The following KMT2C variants were observed in gnomAD, a reference collection of about 807,000 sequenced individuals.
KMT2C encodes the protein lysine methyltransferase 2C, also known as histone-lysine N-methyltransferase 2C.
In KMT2C, 88 loss-of-function variants were observed where a neutral mutation model predicts 507.9. The ratio of observed to expected loss-of-function variants is 0.17; its 90% CI spans 0.15 to 0.21. KMT2C has a LOEUF of 0.21. KMT2C is among the 10% of genes least tolerant of loss of function. The pLI is 1.00. For synonymous variants in KMT2C, 2,049 were observed against 2,080.8 expected, an observed-to-expected ratio of 0.98 and a Z score of 0.42; for missense variants, 4,954 against 5,957.8, an observed-to-expected ratio of 0.83 and a Z score of 5.55.
At chr7:152,332,323 G>T (rs574493720) in intron 2 of KMT2C, among the ~76,000 whole-genome samples, 2 of 152,254 alleles carry the variant, frequency 1.3e-5, no homozygotes, top group East Asian at 3.9e-4. Flanking sequence ...CCCCACCAGT[G>T]CTCATGATGC....
In KMT2C at chr7:152,315,725, T is replaced by C. The variant is rs143901375; in HGVS notation, c.390-387A>G. 3.5e-3 allele frequency among the ~76,000 whole-genome samples: 527 copies of C among 152,274 alleles called. 6 individuals are homozygous for C. The highest frequency in any genetic ancestry group is 0.012 in the African/African-American group (493 of 41,576). ...GGGAGGTGGAAGTTCGAGACCAGCC[T>C]GTCCAACGTGGTGAAACCCCATCTC... is the stretch of plus-strand genomic sequence containing the variant. On this transcript the variant is annotated intron_variant, in intron 3 of 58. Coordinates refer to ENST00000262189, the MANE Select transcript of KMT2C (RefSeq NM_170606.3).
chr7:152,333,806 T>G (rs1239282722), intron 2 of KMT2C, among the ~76,000 whole-genome samples: 1 of 152,128 alleles, frequency 6.6e-6, no homozygotes, highest in East Asian at 1.9e-4. Flanking sequence ...AACAGATGGT[T>G]TTGGTTTTCA....
rs765083956 is a variant in KMT2C, at chr7:152,177,461, T to G, written c.7992A>C (p.Thr2664=). 1.2e-6 allele frequency: 2 copies of G among 1,614,166 alleles called. No individual in the cohort carries two copies. The highest frequency in any genetic ancestry group is 2.2e-5 in the South Asian group (2 of 91,088). The part of the protein sequence containing the change: ...GGEFSEAPLS[T]SVPSETTSDN... ...CAGACGTTGTTTCAGACGGTACAGA[T>G]GTTGACAAAGGAGCTTCTGAAAATT... Residue 2664 remains threonine (T), a synonymous_variant, in exon 38 of 59, where the codon ACA becomes ACC. Transcript: ENST00000262189.
intron 3 of KMT2C, among the ~76,000 whole-genome samples, chr7:152,318,666 G>A (rs185649147): frequency 1.8e-4 from 27 of 149,730 alleles, no homozygotes; most frequent in African/African-American, 6.4e-4. Context: ...AAAAAATGTT[G>A]GAAGTATAAA....
chr7:152,353,728 A>G (rs1347179430), intron 2 of KMT2C, among the ~76,000 whole-genome samples: 2 of 152,086 alleles, frequency 1.3e-5, no homozygotes, highest in African/African-American at 4.8e-5. Context: ...CCAACTCCTG[A>G]GCTCAAGCAA....
intron 6 of KMT2C, among the ~76,000 whole-genome samples, chr7:152,297,011 A>AAGAAAGAAAG (rs1471608380): frequency 5.6e-4 from 47 of 83,434 alleles, no homozygotes; most frequent in South Asian, 8.8e-4. Context: ...GAAAGAAAGA[A>AAGAAAGAAAG]AGAAAGAAAG....
intron 37 of KMT2C, 109 bp downstream of exon 37, chr7:152,179,725 T>A: frequency 9.6e-6 from 8 of 832,062 alleles, no homozygotes; most frequent in African/African-American, 1.8e-5. Context: ...CCTCAAGCAA[T>A]CCTCCTGCCT....
rs750268829 is a variant in KMT2C at position 152,315,326 on chromosome 7, G to A, written c.402C>T (p.Cys134=). 1.5e-5 allele frequency: 25 copies of A among 1,613,042 alleles called. No homozygotes were observed. Among genetic ancestry groups the A allele is most frequent in the Middle Eastern group, 3.3e-4 (2 of 6,078 alleles). The change falls in exon 4 of 59, where the codon TGC becomes TGT. Residue 134 remains cysteine (C), a synonymous_variant. Transcript: ENST00000262189. ...GVEAKISEQL[C]AFCYCGEKSS... is the part of the protein sequence containing the mutation. The stretch of plus-strand genomic sequence containing the variant: ...TTTTTTCCCCACAGTAACAAAAAGC[G>A]CAGAGCTGTTCACTAGTAAAAATGA...
chr7:152,301,187 C>A (rs1364481173), intron 6 of KMT2C, among the ~76,000 whole-genome samples: 3 of 142,616 alleles, frequency 2.1e-5, no homozygotes, highest in African/African-American at 8.3e-5. Context: ...CAGAGCAAGA[C>A]CCTGTCTCCT....
In KMT2C at chr7:152,186,441, C is replaced by T. The variant is rs146993238; in HGVS notation, c.5009-810G>A. 5.4e-4 allele frequency among the ~76,000 whole-genome samples: 83 copies of T among 152,340 alleles called. 1 individual carries two copies. Among genetic ancestry groups the T allele is most frequent in the Admixed American group, 1.9e-3 (29 of 15,306 alleles). On this transcript the variant is annotated intron_variant, in intron 33 of 58. Transcript: ENST00000262189. Reference sequence around the variant, plus strand: ...GCTGAAGAATGGGATACTGCCTTCACAGGTCTCCCTGCATCAAACCACTGA... The same window carrying T: ...GCTGAAGAATGGGATACTGCCTTCATAGGTCTCCCTGCATCAAACCACTGA...
rs1300685988 is a variant in KMT2C at position 152,177,361 on chromosome 7, C to T, written c.8092G>A (p.Glu2698Lys). 13 of 1,614,206 alleles carry T rather than the reference C, an allele frequency of 8.1e-6. No homozygotes were observed. The highest frequency in any genetic ancestry group is 1.1e-5 in the Non-Finnish European group (13 of 1,180,022). Residue 2698 changes from glutamate (E) to lysine (K), a missense_variant, in exon 38 of 59, where the codon GAA becomes AAA. Physicochemically the swap from Glu to Lys is moderately conservative, Grantham distance 56 (BLOSUM62 1). Coordinates refer to ENST00000262189, the MANE Select transcript of KMT2C (RefSeq NM_170606.3). ...KLDSDDPSVK[E>K]LDVKDLEGVE... is the part of the protein sequence containing the mutation. Reference sequence around the variant, plus strand: ...CCCTCAAGGTCTTTAACATCCAGTTCCTTCACAGAAGGGTCATCAGAATCA... The same window carrying T: ...CCCTCAAGGTCTTTAACATCCAGTTTCTTCACAGAAGGGTCATCAGAATCA...
chr7:152,419,685 T>C (rs1214649886), intron 1 of KMT2C, among the ~76,000 whole-genome samples: 1 of 152,194 alleles, frequency 6.6e-6, no homozygotes, highest in Non-Finnish European at 1.5e-5. Flanking sequence ...TTTCCTCCCA[T>C]ATTGGACTGT....
intron 1 of KMT2C, chr7:152,367,361 A>C: frequency 2.7e-6 from 2 of 749,268 alleles, no homozygotes; most frequent in East Asian, 2.7e-5. Context: ...CCCAGGGAGC[A>C]CCTACCAGGG....
intron 1 of KMT2C, among the ~76,000 whole-genome samples, chr7:152,427,679 T>G (rs1331594678): frequency 6.6e-6 from 1 of 152,196 alleles, no homozygotes; most frequent in Non-Finnish European, 1.5e-5. Flanking sequence ...GTATAACTGG[T>G]CCCCTATCTC....
chr7:152,413,669 G>A (rs995712993), intron 1 of KMT2C, among the ~76,000 whole-genome samples: 4 of 151,372 alleles, frequency 2.6e-5, no homozygotes, highest in African/African-American at 7.3e-5. Context: ...TGGATCACCT[G>A]AGGTCAGGAG....
chr7:152,188,526 A>G (rs1466964996), intron 31 of KMT2C, among the ~76,000 whole-genome samples: 1 of 151,600 alleles, frequency 6.6e-6, no homozygotes. Context: ...CTTCATTAAA[A>G]ATTTACAAAC....
chr7:152,407,737 A>G (rs1426003472), intron 1 of KMT2C, among the ~76,000 whole-genome samples: 2 of 152,306 alleles, frequency 1.3e-5, no homozygotes, highest in African/African-American at 4.8e-5. Flanking sequence ...GGATACAACT[A>G]TATCACGTCT....
In KMT2C at chr7:152,162,220, G is replaced by A. The variant is rs1465317935; in HGVS notation, c.11357C>T (p.Ser3786Leu). The A allele has an allele frequency of 1.2e-6, 2 of 1,613,958 alleles. No homozygotes were observed. The highest frequency in any genetic ancestry group is 3.3e-5 in the Admixed American group (2 of 59,978). ...AGGTTTTTGATTCAAAAGAGAAGAT[G>A]ACTTTTTATTTTTCAACAAGTGTTT... is the stretch of plus-strand genomic sequence containing the variant. Reference protein sequence around the residue: ...LLKHLLKNKKSSSLLNQKPEG... With the variant: ...LLKHLLKNKKLSSLLNQKPEG... The change falls in exon 43 of 59, where the codon TCA becomes TTA. Residue 3786 changes from serine to leucine, a missense_variant. Physicochemically the swap from Ser to Leu is moderately radical, Grantham distance 145. This residue lies in a region of KMT2C where 801 missense variants were observed against 751.2 expected (regional missense o/e 1.07). Transcript: ENST00000262189.
chr7:152,287,275 C>T (rs528702822), intron 6 of KMT2C, among the ~76,000 whole-genome samples: 112 of 152,330 alleles, frequency 7.4e-4, no homozygotes, highest in African/African-American at 2.5e-3. Context: ...ATAACTTAAC[C>T]ACCCCTCCAT....
Sources: gnomAD v4.1 joint callset for allele counts (sites outside exome capture counted in the v4.1 genomes callset) on GRCh38, gnomAD v4.1.1 for gene constraint, gnomAD v4.1.1 regional missense constraint, MANE v1.5 for transcripts, NCBI Gene and HGNC (gene_info 2026-07-23, HGNC 2026-07-21) for gene names.